SND1: variants seen among roughly 807,000 people sequenced by gnomAD.
SND1 encodes staphylococcal nuclease and tudor domain containing 1, also known as staphylococcal nuclease domain-containing protein 1.
In SND1, 38 loss-of-function variants were observed where a neutral mutation model predicts 121.7. That is an observed-to-expected ratio of 0.31 (90% CI 0.24 to 0.41). SND1 has a LOEUF of 0.41. Among genes scored for constraint, SND1 ranks in the 10% least tolerant of loss-of-function variants. The pLI is 1.00. For synonymous variants in SND1, 401 were observed against 447.4 expected (o/e 0.90, Z 1.31); for missense variants, 868 against 1,184.6 (o/e 0.73, Z 3.92).
At chr7:127,994,717 T>C (rs1360745563) in intron 16 of SND1, among the ~76,000 whole-genome samples, 1 of 152,096 alleles carries the variant, frequency 6.6e-6, no homozygotes, top group East Asian at 1.9e-4. Flanking sequence ...TTTTTCTTGT[T>C]GTTTGATTGT....
rs755303369 is a variant in SND1 at position 127,887,977 on chromosome 7, A to T, written c.1419A>T (p.Ser473=). Residue 473 remains serine (S), a synonymous_variant, in exon 13 of 24, where the codon TCA becomes TCT. Transcript: ENST00000354725. Reference sequence around the variant, plus strand: ...ACCGGCAGGATGATGACCAGAGATCATCACACTACGATGAACTGCTTGCTG... The same window carrying T: ...ACCGGCAGGATGATGACCAGAGATCTTCACACTACGATGAACTGCTTGCTG... ...IRYRQDDDQR[S]SHYDELLAAE... is the part of the protein sequence containing the mutation. 6.2e-7 allele frequency: 1 copy of T among 1,612,310 alleles called. No homozygotes were observed. The highest frequency in any genetic ancestry group is 2.2e-5 in the East Asian group (1 of 44,718).
intron 9 of SND1, among the ~76,000 whole-genome samples, chr7:127,713,757 A>G (rs1161040789): frequency 6.6e-6 from 1 of 152,224 alleles, no homozygotes; most frequent in Non-Finnish European, 1.5e-5. Context: ...GTATTCTCTG[A>G]TACATGTGGC....
chr7:127,818,509 C>T (rs1372562552), intron 11 of SND1, among the ~76,000 whole-genome samples: 1 of 152,140 alleles, frequency 6.6e-6, no homozygotes, highest in African/African-American at 2.4e-5. Flanking sequence ...TTGACTGAAC[C>T]CTGCTGTTCC....
At chr7:128,082,098 G>A in intron 18 of SND1, 1 of 382,572 alleles carries the variant, frequency 2.6e-6, no homozygotes, top group Non-Finnish European at 5.4e-6. Context: ...TGTGGCCAGG[G>A]TCCCCTGGGC....
chr7:127,742,766 G>T (rs1796908602), intron 10 of SND1, among the ~76,000 whole-genome samples: 1 of 152,142 alleles, frequency 6.6e-6, no homozygotes, highest in African/African-American at 2.4e-5. Context: ...GGGCACAAAG[G>T]TATGCAAGAT....
At chr7:127,799,114 G>T (rs1012801135) in intron 10 of SND1, among the ~76,000 whole-genome samples, 1 of 152,128 alleles carries the variant, frequency 6.6e-6, no homozygotes, top group African/African-American at 2.4e-5. Context: ...TCTGGTGTGG[G>T]CTTGGTAGTC....
At chr7:127,861,005 C>T (rs1033493014) in intron 12 of SND1, among the ~76,000 whole-genome samples, 3 of 152,142 alleles carry the variant, frequency 2.0e-5, no homozygotes, top group Non-Finnish European at 4.4e-5. Flanking sequence ...AATTATTTGG[C>T]AGGCTTTAAT....
At position 127,702,445 on chromosome 7, in the gene SND1, G is replaced by A. The variant is rs1242518437; in HGVS notation, c.600G>A (p.Glu200=). 1.9e-6 allele frequency: 3 copies of A among 1,614,096 alleles called. No individual in the cohort carries two copies. In the South Asian group the frequency reaches 3.3e-5, roughly 18 times the overall value. The change falls in exon 6 of 24, where the codon GAG becomes GAA. Residue 200 remains glutamate (E), a synonymous_variant. Transcript: ENST00000354725. ...HHQKPVNAII[E]HVRDGSVVRA... ...TATTCTGTCACACAGCTATCATCGA[G>A]CATGTGCGGGACGGCAGTGTGGTCA...
chr7:128,061,783 T>A (rs1793235064), intron 16 of SND1, among the ~76,000 whole-genome samples: 1 of 152,234 alleles, frequency 6.6e-6, no homozygotes, highest in African/African-American at 2.4e-5. Context: ...TCAAACCTTA[T>A]AATTGGTAGC....
chr7:127,696,136 G>C (rs935237013), intron 3 of SND1, among the ~76,000 whole-genome samples: 1 of 152,080 alleles, frequency 6.6e-6, no homozygotes, highest in Non-Finnish European at 1.5e-5. Context: ...CTCATGTAAC[G>C]GAGTTGATTT....
chr7:127,707,836 A>G (rs1229233329), intron 9 of SND1, among the ~76,000 whole-genome samples, 189 bp downstream of exon 9: 3 of 150,608 alleles, frequency 2.0e-5, no homozygotes, highest in Non-Finnish European at 4.4e-5. Context: ...TTTAGAAACC[A>G]TTAGACTATT....
chr7:127,962,295 G>A (rs1365841796), intron 15 of SND1, among the ~76,000 whole-genome samples: 1 of 152,172 alleles, frequency 6.6e-6, no homozygotes, highest in Non-Finnish European at 1.5e-5. Context: ...AAACAGAGGA[G>A]TGTTAGCAAA....
At chr7:127,757,539 A>G (rs1008184296) in intron 10 of SND1, among the ~76,000 whole-genome samples, 2 of 152,218 alleles carry the variant, frequency 1.3e-5, no homozygotes, top group Non-Finnish European at 2.9e-5. Context: ...TTCCACATCC[A>G]TGCCAACACT....
chr7:127,811,609 C>T (rs1798336248), intron 11 of SND1, among the ~76,000 whole-genome samples: 1 of 152,098 alleles, frequency 6.6e-6, no homozygotes, highest in Non-Finnish European at 1.5e-5. Flanking sequence ...TGTGGCCTTC[C>T]TACTGGTTTT....
intron 13 of SND1, among the ~76,000 whole-genome samples, chr7:127,892,697 A>G (rs114497489): frequency 9.4e-4 from 142 of 151,676 alleles, no homozygotes; most frequent in African/African-American, 3.1e-3. Context: ...TTTCTCATAT[A>G]CTCTCAGGCC....
intron 11 of SND1, among the ~76,000 whole-genome samples, chr7:127,835,364 G>T (rs2116631177): frequency 6.6e-6 from 1 of 152,226 alleles, no homozygotes; most frequent in East Asian, 1.9e-4. Context: ...TGGAAAAAGG[G>T]ATTTAATTTC....
intron 15 of SND1, among the ~76,000 whole-genome samples, chr7:127,985,624 C>T (rs1802370050): frequency 6.6e-6 from 1 of 152,198 alleles, no homozygotes; most frequent in African/African-American, 2.4e-5. Flanking sequence ...AATAACATAC[C>T]TTTTACAATA....
At chr7:128,070,687 T>C (rs987183705) in intron 16 of SND1, among the ~76,000 whole-genome samples, 2 of 152,162 alleles carry the variant, frequency 1.3e-5, no homozygotes, top group African/African-American at 4.8e-5. Context: ...CCCTAACGTG[T>C]CTTCTGTTTG....
At chr7:127,972,806 T>C (rs2543477) in intron 15 of SND1, among the ~76,000 whole-genome samples, 105,823 of 151,966 alleles carry the variant, frequency 0.7, 38,263 homozygotes, top group African/African-American at 0.88. Context: ...TCTCGAACTC[T>C]TGACCTCAAG....
Sources: allele counts gnomAD v4.1 joint callset (sites outside exome capture counted in the v4.1 genomes callset), GRCh38; gene constraint gnomAD v4.1.1; transcripts MANE v1.5; gene names NCBI Gene and HGNC (gene_info 2026-07-23, HGNC 2026-07-21).